The following FBXL17 variants were observed in gnomAD, a reference collection of about 807,000 sequenced individuals.
The protein encoded by FBXL17 is F-box and leucine rich repeat protein 17.
FBXL17 carries 22 observed loss-of-function variants against 66.2 expected under a neutral mutation model. The ratio of observed to expected loss-of-function variants is 0.33; its 90% CI spans 0.24 to 0.47. The LOEUF (loss-of-function observed/expected upper bound fraction) is 0.47. Ranked by LOEUF, FBXL17 falls within the 20% of genes least tolerant of loss-of-function variation. The pLI is 1.00. For synonymous variants in FBXL17, 474 were observed against 400.5 expected, an observed-to-expected ratio of 1.18 and a Z score of -2.19; for missense variants, 878 against 948.2, an observed-to-expected ratio of 0.93 and a Z score of 0.97.
intron 4 of FBXL17, among the ~76,000 whole-genome samples, chr5:108,257,277 C>G (rs1484227450): frequency 6.6e-6 from 1 of 152,118 alleles, no homozygotes; most frequent in Non-Finnish European, 1.5e-5. Flanking sequence ...GTTTCCTTAT[C>G]TATAAAACAG....
intron 1 of FBXL17, among the ~76,000 whole-genome samples, chr5:108,374,269 TCAA>T (rs1749268330): frequency 1.3e-5 from 2 of 152,172 alleles, no homozygotes; most frequent in Non-Finnish European, 2.9e-5. Context: ...AAAAACATTC[TCAA>T]AGACCAAAGT....
At chr5:108,108,776 CTTTG>C (rs1749910251) in intron 6 of FBXL17, among the ~76,000 whole-genome samples, 1 of 141,518 alleles carries the variant, frequency 7.1e-6, no homozygotes, top group Non-Finnish European at 1.5e-5. Context: ...AAGACTCACA[CTTTG>C]TTTTTGTTTT....
At chr5:108,060,628 C>T (rs1270749281) in intron 6 of FBXL17, among the ~76,000 whole-genome samples, 1 of 152,100 alleles carries the variant, frequency 6.6e-6, no homozygotes. Context: ...AGAAAATCAA[C>T]AACTTCTAAC....
chr5:108,254,814 A>T (rs1259394459), intron 4 of FBXL17, among the ~76,000 whole-genome samples: 1 of 152,202 alleles, frequency 6.6e-6, no homozygotes, highest in Non-Finnish European at 1.5e-5. Flanking sequence ...GAAGCACTGC[A>T]TTAAGACCTT....
intron 6 of FBXL17, among the ~76,000 whole-genome samples, chr5:108,021,699 G>T (rs1004727885): frequency 6.6e-6 from 1 of 151,446 alleles, no homozygotes; most frequent in Non-Finnish European, 1.5e-5. Flanking sequence ...AGCGGAAGTT[G>T]TATACAGATT....
At chr5:108,331,271 T>C (rs1254347580) in intron 4 of FBXL17, among the ~76,000 whole-genome samples, 2 of 152,180 alleles carry the variant, frequency 1.3e-5, no homozygotes, top group African/African-American at 4.8e-5. Context: ...ACTGCATTAG[T>C]ATGAAGGCAG....
chr5:108,079,368 T>G (rs1008992974), intron 6 of FBXL17, among the ~76,000 whole-genome samples: 2 of 152,138 alleles, frequency 1.3e-5, no homozygotes, highest in African/African-American at 4.8e-5. Context: ...CTCAAGGGTT[T>G]TTTTAGAATT....
At chr5:108,172,686 G>A (rs531192632) in intron 6 of FBXL17, among the ~76,000 whole-genome samples, 2 of 152,264 alleles carry the variant, frequency 1.3e-5, no homozygotes, top group East Asian at 3.9e-4. Flanking sequence ...CATTTAAGTT[G>A]CTTGGTTGGG....
At chr5:108,048,418 C>T (rs1442043481) in intron 6 of FBXL17, among the ~76,000 whole-genome samples, 2 of 152,100 alleles carry the variant, frequency 1.3e-5, no homozygotes, top group African/African-American at 4.8e-5. Flanking sequence ...GACTGCAATG[C>T]CTCTCCAGCA....
intron 4 of FBXL17, among the ~76,000 whole-genome samples, chr5:108,324,099 T>A (rs1023170607): frequency 3.3e-5 from 5 of 151,932 alleles, no homozygotes; most frequent in Non-Finnish European, 5.9e-5. Context: ...TACATAAAAA[T>A]TTTAATAATT....
At chr5:108,251,432 T>C (rs1756345961) in intron 4 of FBXL17, among the ~76,000 whole-genome samples, 1 of 152,032 alleles carries the variant, frequency 6.6e-6, no homozygotes, top group Admixed American at 6.6e-5. Context: ...TCCCTTTCAT[T>C]TTGGGCCTTA....
intron 7 of FBXL17, among the ~76,000 whole-genome samples, chr5:107,910,230 T>C (rs1300434849): frequency 1.3e-5 from 2 of 152,112 alleles, no homozygotes; most frequent in East Asian, 1.9e-4. Context: ...CAATTGGGCC[T>C]GACTGTTTTG....
At chr5:108,368,237 A>C (rs909523272) in intron 1 of FBXL17, among the ~76,000 whole-genome samples, 1 of 152,064 alleles carries the variant, frequency 6.6e-6, no homozygotes, top group East Asian at 1.9e-4. Context: ...TATTTAAAAA[A>C]AAAAGAATTG....
At chr5:108,014,425 T>TA (rs916438726) in intron 7 of FBXL17, among the ~76,000 whole-genome samples, 5 of 152,062 alleles carry the variant, frequency 3.3e-5, no homozygotes, top group African/African-American at 4.8e-5. Context: ...TTTCTTAATT[T>TA]AAAAAAACGA....
intron 3 of FBXL17, among the ~76,000 whole-genome samples, chr5:108,358,996 T>C (rs1401830633): frequency 1.3e-5 from 2 of 152,060 alleles, no homozygotes; most frequent in Non-Finnish European, 2.9e-5. Flanking sequence ...CTCAGGCTCA[T>C]GAGTAGCTGG....
At chr5:108,365,315 T>C (rs1294719198) in intron 2 of FBXL17, among the ~76,000 whole-genome samples, 2 of 151,932 alleles carry the variant, frequency 1.3e-5, no homozygotes, top group African/African-American at 2.4e-5. Context: ...TGACTTAGAG[T>C]GGGGCGCCTA....
chr5:108,173,285 T>C (rs1016619654), intron 6 of FBXL17, among the ~76,000 whole-genome samples: 8 of 152,142 alleles, frequency 5.3e-5, no homozygotes, highest in Non-Finnish European at 1.2e-4. Context: ...CTTTAGGAGA[T>C]ATACCTAATG....
intron 3 of FBXL17, among the ~76,000 whole-genome samples, chr5:108,357,163 A>G (rs1748052589): frequency 6.6e-6 from 1 of 152,098 alleles, no homozygotes; most frequent in African/African-American, 2.4e-5. Context: ...AAGAATTACA[A>G]TTATTAACTA....
intron 4 of FBXL17, among the ~76,000 whole-genome samples, chr5:108,239,241 A>G (rs1302185081): frequency 6.6e-6 from 1 of 152,200 alleles, no homozygotes; most frequent in Non-Finnish European, 1.5e-5. Flanking sequence ...TTTAAGAACC[A>G]AAACTCAGGT....
Sources: gnomAD v4.1 joint callset for allele counts (sites outside exome capture counted in the v4.1 genomes callset) on GRCh38, gnomAD v4.1.1 for gene constraint, MANE v1.5 for transcripts, NCBI Gene and HGNC (gene_info 2026-07-23, HGNC 2026-07-21) for gene names.